The following TUSC3 variants were observed in gnomAD, a reference collection of about 807,000 sequenced individuals.
TUSC3 encodes the protein dolichyl-diphosphooligosaccharide--protein glycosyltransferase subunit TUSC3.
TUSC3 carries 45 observed loss-of-function variants against 44.8 expected under a neutral mutation model. The observed-to-expected ratio is 1.00, with a 90% confidence interval of 0.79 to 1.29. TUSC3 has a LOEUF of 1.29. Ranked by LOEUF, TUSC3 falls within the 50% of genes most tolerant of loss-of-function variation. TUSC3 has a pLI of 0.00. For missense variants in TUSC3, 519 were observed against 437.9 expected (o/e 1.19, Z -1.65); for synonymous variants, 212 against 152.9 (o/e 1.39, Z -2.85).
intron 1 of TUSC3, among the ~76,000 whole-genome samples, chr8:15,550,283 G>A (rs1250142765): frequency 6.6e-6 from 1 of 151,634 alleles, no homozygotes; most frequent in Non-Finnish European, 1.5e-5. Context: ...AATATGATGG[G>A]TGGTCTCCTC....
chr8:15,842,010 T>C, the TUSC3 span, among the ~76,000 whole-genome samples: 1 of 152,200 alleles, frequency 6.6e-6, no homozygotes, highest in Non-Finnish European at 1.5e-5. Context: ...ATAACCTATA[T>C]AATGGCAATT....
At chr8:15,471,103 T>C (rs1182084322) in intron 1 of TUSC3, among the ~76,000 whole-genome samples, 1 of 142,178 alleles carries the variant, frequency 7.0e-6, no homozygotes, top group Non-Finnish European at 1.5e-5. Context: ...TTACTAACTG[T>C]GTGGTCAGAG....
intron 2 of TUSC3, among the ~76,000 whole-genome samples, chr8:15,535,216 A>G (rs13257358): frequency 0.35 from 53,712 of 152,166 alleles, 10,769 homozygotes; most frequent in Non-Finnish European, 0.44. Flanking sequence ...CATTGAGACT[A>G]TATAGTTCTT....
chr8:15,675,168 A>G (rs1808127972), intron 6 of TUSC3, among the ~76,000 whole-genome samples: 1 of 152,152 alleles, frequency 6.6e-6, no homozygotes, highest in Non-Finnish European at 1.5e-5. Context: ...TTTGTCACTG[A>G]TACATTTCTG....
chr8:15,827,376 T>C, the TUSC3 span, among the ~76,000 whole-genome samples: 27 of 152,354 alleles, frequency 1.8e-4, no homozygotes, highest in East Asian at 5.0e-3. Context: ...TATTCATGAA[T>C]ATTCTTTTAA....
the TUSC3 span, among the ~76,000 whole-genome samples, chr8:15,774,754 C>G: frequency 6.6e-6 from 1 of 151,834 alleles, no homozygotes; most frequent in Non-Finnish European, 1.5e-5. Context: ...TCCGAAAATG[C>G]AAATCAAAAT....
chr8:15,501,358 T>G (rs999813435), intron 2 of TUSC3, among the ~76,000 whole-genome samples: 23 of 152,314 alleles, frequency 1.5e-4, no homozygotes, highest in African/African-American at 5.5e-4. Context: ...GTCCTGTCTT[T>G]GATGCACACA....
the TUSC3 span, among the ~76,000 whole-genome samples, chr8:15,784,796 G>T: frequency 0.65 from 98,240 of 151,764 alleles, 32,770 homozygotes; most frequent in African/African-American, 0.79. Context: ...AGTCAAAGGG[G>T]ACAGTTTTAG....
intron 1 of TUSC3, among the ~76,000 whole-genome samples, chr8:15,427,163 T>A (rs1799814262): frequency 6.6e-6 from 1 of 151,640 alleles, no homozygotes; most frequent in Non-Finnish European, 1.5e-5. Flanking sequence ...TACAAATACT[T>A]TATTTCATTC....
intron 1 of TUSC3, among the ~76,000 whole-genome samples, chr8:15,592,916 A>G (rs1803912264): frequency 6.6e-6 from 1 of 152,104 alleles, no homozygotes; most frequent in African/African-American, 2.4e-5. Context: ...CAGGACTCAA[A>G]CTCAGGCGTT....
chr8:15,556,052 T>C (rs1420210324), intron 1 of TUSC3, among the ~76,000 whole-genome samples: 1 of 150,958 alleles, frequency 6.6e-6, no homozygotes, highest in African/African-American at 2.4e-5. Flanking sequence ...CATGTGCACA[T>C]TGTGCAGGTT....
chr8:15,605,930 C>T (rs908535262), intron 1 of TUSC3, among the ~76,000 whole-genome samples: 2 of 152,012 alleles, frequency 1.3e-5, no homozygotes, highest in Admixed American at 6.6e-5. Flanking sequence ...CTTAAAATGC[C>T]TTATGACACT....
At chr8:15,812,206 A>T in the TUSC3 span, among the ~76,000 whole-genome samples, 1 of 152,224 alleles carries the variant, frequency 6.6e-6, no homozygotes, top group African/African-American at 2.4e-5. Flanking sequence ...ACAAATAAGT[A>T]CTCAATGTAA....
intron 9 of TUSC3, among the ~76,000 whole-genome samples, chr8:15,751,684 A>AAGTACC (rs1211083864): frequency 6.6e-6 from 1 of 152,114 alleles, no homozygotes; most frequent in Non-Finnish European, 1.5e-5. Flanking sequence ...ATACAATGAC[A>AAGTACC]AGTACCTATA....
At chr8:15,832,260 A>T in the TUSC3 span, among the ~76,000 whole-genome samples, 1 of 152,174 alleles carries the variant, frequency 6.6e-6, no homozygotes, top group Non-Finnish European at 1.5e-5. Context: ...ATTCATTCCC[A>T]CAAGACCCAC....
chr8:15,662,444 T>C (rs529692456), intron 5 of TUSC3, 148 bp downstream of exon 5: 2 of 1,132,194 alleles, frequency 1.8e-6, no homozygotes, highest in East Asian at 5.1e-5. Flanking sequence ...TAATTTAGTT[T>C]GAGTTTTCTG....
At chr8:15,550,288 C>T (rs995206848) in intron 1 of TUSC3, among the ~76,000 whole-genome samples, 3 of 151,650 alleles carry the variant, frequency 2.0e-5, no homozygotes, top group Non-Finnish European at 4.4e-5. Context: ...GATGGGTGGT[C>T]TCCTCCCTTA....
At chr8:15,771,698 G>A in the TUSC3 span, among the ~76,000 whole-genome samples, 1 of 151,954 alleles carries the variant, frequency 6.6e-6, no homozygotes, top group Non-Finnish European at 1.5e-5. Flanking sequence ...AACACCTGAA[G>A]ACAAATGAAA....
chr8:15,823,012 A>T, the TUSC3 span, among the ~76,000 whole-genome samples: 1 of 152,086 alleles, frequency 6.6e-6, no homozygotes, highest in African/African-American at 2.4e-5. Flanking sequence ...TACTGTCCCC[A>T]TCAAAGATTT....
Sources: gnomAD v4.1 joint callset for allele counts (sites outside exome capture counted in the v4.1 genomes callset) on GRCh38, gnomAD v4.1.1 for gene constraint, MANE v1.5 for transcripts, NCBI Gene and HGNC (gene_info 2026-07-23, HGNC 2026-07-21) for gene names.